The following ZNF98 variants were observed in gnomAD, a reference collection of about 807,000 sequenced individuals.
ZNF98 encodes zinc finger protein 739.
A neutral mutation model predicts 12.8 loss-of-function variants in ZNF98; 8 were observed. That is an observed-to-expected ratio of 0.63 (90% CI 0.37 to 1.13). The LOEUF (loss-of-function observed/expected upper bound fraction) is 1.13, where lower values mean the gene tolerates loss of function less well. Among genes scored for constraint, ZNF98 ranks in the 50% most tolerant of loss-of-function variants. The pLI, the probability that ZNF98 is intolerant of heterozygous loss-of-function variation, is 0.01. For missense variants in ZNF98, 379 were observed against 666.1 expected, an observed-to-expected ratio of 0.57 and a Z score of 4.74; for synonymous variants, 112 against 223.5, an observed-to-expected ratio of 0.50 and a Z score of 4.45.
At chr19:22,406,811 C>T (rs1345061945) in intron 1 of ZNF98, among the ~76,000 whole-genome samples, 3 of 126,970 alleles carry the variant, frequency 2.4e-5, no homozygotes, top group South Asian at 4.6e-4. Context: ...AGCAAGACTC[C>T]GTCTCAAAAA....
chr19:22,422,339 A>T lies in ZNF98; in HGVS notation c.-115T>A. The T allele has an allele frequency of 7.7e-7, 1 of 1,301,178 alleles. No homozygotes were observed. The highest frequency in any genetic ancestry group is 1.1e-6 in the Non-Finnish European group (1 of 910,952). 80.6% of individuals were successfully genotyped at this position (1,301,178 alleles called of 1,614,324 possible). A position where few individuals can be genotyped will look rare whatever the true frequency, so the allele number is the denominator to read the frequency against. On this transcript the variant is annotated 5_prime_UTR_variant, in exon 1 of 4. Coordinates refer to ENST00000357774, the MANE Select transcript of ZNF98 (RefSeq NM_001098626.2). ...CCAGGAACTCCGGCTGCAGCGAGAG[A>T]CAAAGACCCCGCCACATCCCGGAAG...
At chr19:22,402,192 AAAAG>A (rs1969466912) in intron 3 of ZNF98, among the ~76,000 whole-genome samples, 2 of 150,534 alleles carry the variant, frequency 1.3e-5, no homozygotes, top group African/African-American at 4.9e-5. Flanking sequence ...AAAAAAAAAA[AAAAG>A]AAAGAGAAAA....
At position 22,419,812 on chromosome 19, in the gene ZNF98, C is replaced by G. The variant is rs73923894; in HGVS notation, c.30+2383G>C. On this transcript the variant is annotated intron_variant, in intron 1 of 3. Transcript: ENST00000357774. ...ACTCAGAAGTCAAGATAACAGGATA[C>G]AGAACAGAGATATTCACTGTCACAA... Among the ~76,000 whole-genome samples, 293 of 152,152 alleles carry G rather than the reference C, an allele frequency of 1.9e-3. 2 individuals carry two copies. The highest frequency in any genetic ancestry group is 4.0e-3 in the African/African-American group (167 of 41,518).
chr19:22,404,554 C>T (rs1969498712), intron 1 of ZNF98, among the ~76,000 whole-genome samples: 2 of 152,188 alleles, frequency 1.3e-5, no homozygotes, highest in Admixed American at 1.3e-4. Flanking sequence ...AGTTCATTAA[C>T]CAAGTGAGTT....
At chr19:22,415,446 C>T (rs1361157708) in intron 1 of ZNF98, among the ~76,000 whole-genome samples, 1 of 152,046 alleles carries the variant, frequency 6.6e-6, no homozygotes, top group East Asian at 1.9e-4. Flanking sequence ...ATGGAATCAA[C>T]CTAACTGCTT....
At chr19:22,400,900 C>A (rs1312384159) in intron 3 of ZNF98, among the ~76,000 whole-genome samples, 1 of 143,884 alleles carries the variant, frequency 7.0e-6, no homozygotes, top group African/African-American at 2.6e-5. Flanking sequence ...TTGCAGTGAG[C>A]CGAGGCCGCG....
At chr19:22,395,003 T>C (rs1290816842) in intron 3 of ZNF98, among the ~76,000 whole-genome samples, 1 of 151,700 alleles carries the variant, frequency 6.6e-6, no homozygotes, top group Admixed American at 6.6e-5. Context: ...TGAAACCCTG[T>C]CTCTACTAAA....
intron 3 of ZNF98, among the ~76,000 whole-genome samples, chr19:22,399,341 T>A (rs1969432177): frequency 6.6e-6 from 1 of 152,154 alleles, no homozygotes; most frequent in Non-Finnish European, 1.5e-5. Flanking sequence ...GACAAACTGA[T>A]AAATAAGCAT....
chr19:22,391,467 C>T lies in ZNF98; in HGVS notation c.*49G>A, dbSNP rs540085948. 51 of 1,504,488 alleles carry T rather than the reference C, an allele frequency of 3.4e-5. No homozygotes were observed. Among genetic ancestry groups the T allele is most frequent in the Admixed American group, 1.4e-4 (6 of 43,234 alleles). 93.2% of individuals were successfully genotyped at this position (1,504,488 alleles called of 1,614,324 possible). A position where few individuals can be genotyped will look rare whatever the true frequency, so the allele number is the denominator to read the frequency against. On this transcript the variant is annotated 3_prime_UTR_variant, in exon 4 of 4. Transcript: ENST00000357774. ...TCTCCAGAATGAATTACCTTACCTA[C>T]AATCCAGTGTGATAACCATTTAAAG...
chr19:22,416,536 G>T (rs143123383), intron 1 of ZNF98, among the ~76,000 whole-genome samples: 2,195 of 152,068 alleles, frequency 0.014, 46 homozygotes, highest in African/African-American at 0.05. Context: ...AGCACTTTGG[G>T]AGGCTGAGGC....
intron 3 of ZNF98, among the ~76,000 whole-genome samples, chr19:22,397,856 C>T (rs1228399895): frequency 6.9e-6 from 1 of 145,038 alleles, no homozygotes; most frequent in African/African-American, 2.5e-5. Flanking sequence ...ATGTTGGAGG[C>T]ATTACAGTTC....
chr19:22,401,904 C>T lies in ZNF98; in HGVS notation c.253+885G>A, dbSNP rs541398330. On this transcript the variant is annotated intron_variant, in intron 3 of 3. Transcript: ENST00000357774. ...AGAAAATACAATTCTCGGTCAGGCACGGTGGGTCACACCTGTAATCCTAGC... is the reference window on the plus strand; with the variant it reads ...AGAAAATACAATTCTCGGTCAGGCATGGTGGGTCACACCTGTAATCCTAGC... Among the ~76,000 whole-genome samples the T allele has an allele frequency of 3.8e-3, 572 of 150,566 alleles. 3 individuals carry two copies. The highest frequency in any genetic ancestry group is 0.013 in the African/African-American group (548 of 41,062).
intron 3 of ZNF98, among the ~76,000 whole-genome samples, chr19:22,399,114 CATT>C (rs1304314517): frequency 6.6e-6 from 1 of 152,054 alleles, no homozygotes. Context: ...TGAAAAAACG[CATT>C]AATATGAAAC....
At chr19:22,403,259 A>AAG in intron 2 of ZNF98, 127 bp downstream of exon 2, 1 of 756,556 alleles carries the variant, frequency 1.3e-6, no homozygotes, top group Non-Finnish European at 1.8e-6. Flanking sequence ...TCTTGAAGTT[A>AAG]AAAAAAAAAA....
At chr19:22,409,980 C>T (rs541497105) in intron 1 of ZNF98, among the ~76,000 whole-genome samples, 4 of 148,528 alleles carry the variant, frequency 2.7e-5, no homozygotes, top group Non-Finnish European at 5.9e-5. Context: ...GGCATTTATG[C>T]AGCCAACAAA....
Position 22,402,885 on chromosome 19 carries a change from C to T in ZNF98, c.158-1G>A, listed in dbSNP as rs563929714. 47 of 1,573,658 alleles carry T rather than the reference C, an allele frequency of 3.0e-5. 1 individual carries two copies. The South Asian group carries it at 4.9e-4, about 16-fold the overall frequency. ...AGGTCTGGCTTAGAGGCAGCAATAC[C>T]TGTTTTATTACAAATAACATGAATC... On this transcript the variant is annotated splice_acceptor_variant, in intron 2 of 3. Coordinates refer to ENST00000357774, the MANE Select transcript of ZNF98 (RefSeq NM_001098626.2). LOFTEE classifies it high-confidence loss of function.
At chr19:22,399,534 T>C (rs397834850) in intron 3 of ZNF98, among the ~76,000 whole-genome samples, 24 of 152,166 alleles carry the variant, frequency 1.6e-4, no homozygotes, top group Admixed American at 1.2e-3. Context: ...GGGAACAAAT[T>C]ATGTCATATT....
At chr19:22,396,062 A>C (rs1048203033) in intron 3 of ZNF98, among the ~76,000 whole-genome samples, 1 of 152,006 alleles carries the variant, frequency 6.6e-6, no homozygotes, top group Non-Finnish European at 1.5e-5. Flanking sequence ...AAAAACACAT[A>C]ATCATATAAA....
chr19:22,405,187 A>G (rs1341937683), intron 1 of ZNF98, among the ~76,000 whole-genome samples: 1 of 152,004 alleles, frequency 6.6e-6, no homozygotes, highest in Non-Finnish European at 1.5e-5. Context: ...CACATGTAGA[A>G]AAGTAAAGCT....
Sources: gnomAD v4.1 joint callset for allele counts (sites outside exome capture counted in the v4.1 genomes callset) on GRCh38, gnomAD v4.1.1 for gene constraint, MANE v1.5 for transcripts, NCBI Gene and HGNC (gene_info 2026-07-23, HGNC 2026-07-21) for gene names.